Variants in TTC39B observed in about 807,000 individuals in gnomAD.
TTC39B encodes tetratricopeptide repeat domain 39B.
TTC39B carries 92 observed loss-of-function variants against 96.6 expected under a neutral mutation model. The observed-to-expected ratio is 0.95, with a 90% CI of 0.80 to 1.13. The LOEUF is 1.13. Ranked by LOEUF, TTC39B falls within the 50% of genes most tolerant of loss-of-function variation. TTC39B has a pLI of 0.00. For missense variants in TTC39B, 955 were observed against 809.3 expected, an observed-to-expected ratio of 1.18 and a Z score of -2.18; for synonymous variants, 367 against 299.4, an observed-to-expected ratio of 1.23 and a Z score of -2.33.
intron 6 of TTC39B, among the ~76,000 whole-genome samples, chr9:15,207,180 G>C (rs567109146): frequency 6.6e-6 from 1 of 152,254 alleles, no homozygotes; most frequent in African/African-American, 2.4e-5. Flanking sequence ...CCAGTCCTGG[G>C]CAGTTCTTTA....
chr9:15,301,184 G>A (rs1824574775), intron 1 of TTC39B, among the ~76,000 whole-genome samples: 1 of 152,122 alleles, frequency 6.6e-6, no homozygotes, highest in Admixed American at 6.5e-5. Context: ...CCCTAAACAA[G>A]GGAAGCCAAT....
intron 8 of TTC39B, among the ~76,000 whole-genome samples, chr9:15,197,524 T>C (rs892348945): frequency 1.3e-5 from 2 of 152,078 alleles, no homozygotes; most frequent in Admixed American, 1.3e-4. Context: ...CAAGTAACTA[T>C]TACAAATTGT....
Position 15,276,317 on chromosome 9 carries a change from TC to T in TTC39B, c.241-8370del, listed in dbSNP as rs1252560359. On this transcript the variant is annotated intron_variant, in intron 1 of 19. Coordinates refer to ENST00000512701, the Ensembl canonical transcript of TTC39B. ...TGTTCACCCATTCTCTCCTCCTTTT[TC>T]TTCCTTAGTATCCCTATAGAAAATC... is the stretch of plus-strand genomic sequence containing the variant. Among the ~76,000 whole-genome samples, 3 of 152,322 alleles carry T rather than the reference TC, an allele frequency of 2.0e-5. No individual in the cohort carries two copies. The East Asian group carries it at 5.8e-4, about 29-fold the overall frequency.
intron 4 of TTC39B, among the ~76,000 whole-genome samples, chr9:15,213,789 C>A (rs1185410928): frequency 6.6e-6 from 1 of 151,908 alleles, no homozygotes; most frequent in East Asian, 1.9e-4. Context: ...CTGGTTTTTC[C>A]CCTCCCCATT....
chr9:15,211,280 T>C, exon 5 of TTC39B: 1 of 1,560,736 alleles, frequency 6.4e-7, no homozygotes, highest in South Asian at 1.2e-5. Flanking sequence ...GGCAGGTTTG[T>C]AAAGCGTCCT....
At chr9:15,208,529 T>C (rs1586875616) in intron 6 of TTC39B, among the ~76,000 whole-genome samples, 1 of 152,166 alleles carries the variant, frequency 6.6e-6, no homozygotes, top group Non-Finnish European at 1.5e-5. Context: ...CTATTTGATT[T>C]CTCATTAACC....
intron 1 of TTC39B, among the ~76,000 whole-genome samples, chr9:15,303,559 G>A (rs1824666636): frequency 6.6e-6 from 1 of 151,680 alleles, no homozygotes; most frequent in African/African-American, 2.4e-5. Flanking sequence ...TTTTATTTTT[G>A]TAGAGACAGG....
intron 1 of TTC39B, among the ~76,000 whole-genome samples, chr9:15,291,533 G>C (rs1227332519): frequency 6.6e-6 from 1 of 152,012 alleles, no homozygotes; most frequent in Non-Finnish European, 1.5e-5. Flanking sequence ...CATGAGAACG[G>C]ATTAATACAA....
intron 1 of TTC39B, among the ~76,000 whole-genome samples, chr9:15,271,424 T>G (rs943032161): frequency 6.6e-6 from 1 of 152,178 alleles, no homozygotes; most frequent in Non-Finnish European, 1.5e-5. Context: ...GGAGACAATT[T>G]TTCCACAGAT....
chr9:15,251,008 C>T (rs957594457), intron 2 of TTC39B, among the ~76,000 whole-genome samples: 1 of 151,646 alleles, frequency 6.6e-6, no homozygotes, highest in Non-Finnish European at 1.5e-5. Flanking sequence ...CCAGCCTGGC[C>T]AATATGCTGA....
At chr9:15,234,640 T>C (rs1313773998) in intron 2 of TTC39B, among the ~76,000 whole-genome samples, 1 of 152,072 alleles carries the variant, frequency 6.6e-6, no homozygotes, top group Non-Finnish European at 1.5e-5. Context: ...CGTGTCTGTG[T>C]AGGGAGAAGT....
chr9:15,295,640 G>T (rs1039534059), intron 1 of TTC39B, among the ~76,000 whole-genome samples: 39 of 152,184 alleles, frequency 2.6e-4, no homozygotes, highest in African/African-American at 8.9e-4. Context: ...GACTTTAAAA[G>T]CATAAAGAGA....
At chr9:15,297,400 C>T (rs4087078) in intron 1 of TTC39B, among the ~76,000 whole-genome samples, 55,990 of 152,094 alleles carry the variant, frequency 0.37, 12,331 homozygotes, top group East Asian at 0.58. Flanking sequence ...CTAAGTCACA[C>T]AGCTAGTCAG....
chr9:15,190,903 T>C lies in TTC39B; in HGVS notation c.997-241A>G, dbSNP rs139663500. Among the ~76,000 whole-genome samples the C allele has an allele frequency of 1.3e-3, 196 of 151,930 alleles. 4 individuals are homozygous for C. The highest frequency in any genetic ancestry group is 4.4e-3 in the African/African-American group (183 of 41,434). On this transcript the variant is annotated intron_variant, in intron 10 of 19. Transcript: ENST00000512701. Reference sequence around the variant, plus strand: ...TCTTTGGTCAACTATTAAGAAAGCATAGGAAACCACGTGAGAGTAATAAGA... The same window carrying C: ...TCTTTGGTCAACTATTAAGAAAGCACAGGAAACCACGTGAGAGTAATAAGA...
chr9:15,207,088 C>T (rs1236763135), intron 6 of TTC39B, among the ~76,000 whole-genome samples: 1 of 152,212 alleles, frequency 6.6e-6, no homozygotes, highest in Admixed American at 6.5e-5. Context: ...TCTTTGCCTC[C>T]TGCCATGACT....
At chr9:15,264,443 C>T (rs562557599) in intron 2 of TTC39B, among the ~76,000 whole-genome samples, 50 of 152,116 alleles carry the variant, frequency 3.3e-4, no homozygotes, top group African/African-American at 1.2e-3. Context: ...CACCTGAGGT[C>T]AGGAGTTTGA....
intron 17 of TTC39B, 136 bp from the exon 18 acceptor site, chr9:15,177,950 A>T (rs1171453041): frequency 1.2e-5 from 6 of 485,722 alleles, no homozygotes; most frequent in South Asian, 2.4e-5. Context: ...GCTCACTGCA[A>T]GCTCCGTCTC....
At chr9:15,268,528 C>CA (rs920689324) in intron 1 of TTC39B, among the ~76,000 whole-genome samples, 1 of 152,190 alleles carries the variant, frequency 6.6e-6, no homozygotes, top group African/African-American at 2.4e-5. Flanking sequence ...ACTCCACACT[C>CA]AGACACAGTG....
At chr9:15,210,569 C>T (rs1036091125) in intron 5 of TTC39B, among the ~76,000 whole-genome samples, 1 of 152,210 alleles carries the variant, frequency 6.6e-6, no homozygotes, top group Non-Finnish European at 1.5e-5. Flanking sequence ...TGTAATTTCA[C>T]CCATGTTAAC....
Sources: gnomAD v4.1 joint callset for allele counts (sites outside exome capture counted in the v4.1 genomes callset) on GRCh38, gnomAD v4.1.1 for gene constraint, MANE v1.5 for transcripts, NCBI Gene and HGNC (gene_info 2026-07-23, HGNC 2026-07-21) for gene names.